Variants in AKAP7 observed in about 807,000 individuals in gnomAD.
AKAP7 encodes A-kinase anchoring protein 7.
Under a neutral mutation model 39.5 loss-of-function variants are expected in AKAP7, and 39 were observed. The ratio of observed to expected loss-of-function variants is 0.99; its 90% confidence interval spans 0.76 to 1.29. The LOEUF (loss-of-function observed/expected upper bound fraction) is 1.29. Among genes scored for constraint, AKAP7 ranks in the 50% most tolerant of loss-of-function variants. The pLI is 0.00. For synonymous variants in AKAP7, 140 were observed against 139.1 expected (o/e 1.01, Z -0.05); for missense variants, 414 against 407.7 (o/e 1.02, Z -0.13).
chr6:131,142,196 C>T (rs1332101540), intron 1 of AKAP7, among the ~76,000 whole-genome samples: 2 of 152,142 alleles, frequency 1.3e-5, no homozygotes, highest in Non-Finnish European at 2.9e-5. Context: ...GAGAGATTAG[C>T]ATGACTAAAA....
chr6:131,129,748 ATAT>A, the AKAP7 span, among the ~76,000 whole-genome samples: 1 of 152,200 alleles, frequency 6.6e-6, no homozygotes, highest in Non-Finnish European at 1.5e-5. Flanking sequence ...TGTTAAACAC[ATAT>A]TCTTCTTCCA....
In AKAP7 at chr6:131,138,519, TAAG is replaced by T. The variant is rs1038624614; in HGVS notation, c.19+2743_19+2745del. Among the ~76,000 whole-genome samples, 3 of 152,200 alleles carry T rather than the reference TAAG, an allele frequency of 2.0e-5. No individual in the cohort carries two copies. In the South Asian group the frequency reaches 6.2e-4, roughly 31 times the overall value. ...TGGATGATAGATAACCAGAGAGCAG[TAAG>T]AAGAACATCGGAAGAATATTTCTGT... On this transcript the variant is annotated intron_variant, in intron 1 of 7. Coordinates refer to ENST00000431975, the MANE Select transcript of AKAP7 (RefSeq NM_016377.4).
intron 7 of AKAP7, among the ~76,000 whole-genome samples, chr6:131,224,899 C>T (rs929034556): frequency 9.2e-5 from 14 of 151,356 alleles, no homozygotes; most frequent in Admixed American, 4.6e-4. Flanking sequence ...TACAAGTGTG[C>T]GCCACCATGC....
At chr6:131,267,752 C>T (rs1274254744) in intron 7 of AKAP7, among the ~76,000 whole-genome samples, 3 of 152,320 alleles carry the variant, frequency 2.0e-5, no homozygotes, top group Non-Finnish European at 4.4e-5. Context: ...TCACCTCCTG[C>T]AATTCACTTT....
intron 7 of AKAP7, among the ~76,000 whole-genome samples, chr6:131,273,372 T>C (rs1216086241): frequency 6.6e-6 from 1 of 152,182 alleles, no homozygotes; most frequent in Non-Finnish European, 1.5e-5. Context: ...CTAGTTGTTT[T>C]CTACTTGTCT....
At chr6:131,222,591 G>A (rs1809805232) in intron 7 of AKAP7, among the ~76,000 whole-genome samples, 3 of 152,102 alleles carry the variant, frequency 2.0e-5, no homozygotes, top group Non-Finnish European at 4.4e-5. Context: ...CTGAAGATGG[G>A]ATTGAATTGC....
At chr6:131,244,171 C>T (rs767669482) in intron 7 of AKAP7, among the ~76,000 whole-genome samples, 1 of 151,998 alleles carries the variant, frequency 6.6e-6, no homozygotes, top group Admixed American at 6.6e-5. Flanking sequence ...GGCCTTTGTT[C>T]TCCTGTTACT....
chr6:131,219,515 T>G (rs914886533), intron 6 of AKAP7, 146 bp from the exon 7 acceptor site: 35 of 622,530 alleles, frequency 5.6e-5, no homozygotes, highest in Non-Finnish European at 5.2e-6. Flanking sequence ...ACAACAATTT[T>G]ATTGTTGTAT....
intron 6 of AKAP7, among the ~76,000 whole-genome samples, chr6:131,208,613 A>G (rs1011157757): frequency 6.6e-6 from 1 of 152,260 alleles, no homozygotes; most frequent in Non-Finnish European, 1.5e-5. Flanking sequence ...TATGTGAGGC[A>G]GGGATCTGTG....
intron 5 of AKAP7, among the ~76,000 whole-genome samples, chr6:131,171,530 G>A (rs1255010797): frequency 2.6e-5 from 4 of 152,104 alleles, no homozygotes; most frequent in East Asian, 1.9e-4. Flanking sequence ...AATGAGATTC[G>A]TATGCTAAAG....
At chr6:131,141,175 A>G (rs1403449961) in intron 1 of AKAP7, among the ~76,000 whole-genome samples, 1 of 151,940 alleles carries the variant, frequency 6.6e-6, no homozygotes, top group Non-Finnish European at 1.5e-5. Flanking sequence ...TGTTATCCCC[A>G]GTGTTGGAGG....
intron 6 of AKAP7, among the ~76,000 whole-genome samples, chr6:131,214,798 T>C (rs1419150405): frequency 6.6e-6 from 1 of 152,200 alleles, no homozygotes; most frequent in Non-Finnish European, 1.5e-5. Flanking sequence ...TATGATTGTA[T>C]CTTAATAATG....
chr6:131,208,722 T>A (rs899441120), intron 6 of AKAP7, among the ~76,000 whole-genome samples: 3 of 152,200 alleles, frequency 2.0e-5, no homozygotes, highest in African/African-American at 7.2e-5. Flanking sequence ...TTATTGTGAA[T>A]CTCAAGAGCT....
chr6:131,194,630 G>A (rs1449283880), intron 5 of AKAP7, among the ~76,000 whole-genome samples: 1 of 152,018 alleles, frequency 6.6e-6, no homozygotes, highest in Non-Finnish European at 1.5e-5. Flanking sequence ...GTGGGGTGTT[G>A]AAGTATCCAG....
In AKAP7 at chr6:131,160,204, AT is replaced by A; in HGVS notation, c.291+11del. The A allele has an allele frequency of 6.3e-7, 1 of 1,595,104 alleles. No homozygotes were observed. The highest frequency in any genetic ancestry group is 8.5e-7 in the Non-Finnish European group (1 of 1,175,900). On this transcript the variant is annotated splice_region_variant and intron_variant, in intron 3 of 7. Transcript: ENST00000431975. ...TTCCAATCACCAACAAAGAGGTGCTATTTTTAAAAAGTTATTTTTACTGTGA... is the reference window on the plus strand; with the variant it reads ...TTCCAATCACCAACAAAGAGGTGCTATTTTAAAAAGTTATTTTTACTGTGA...
chr6:131,195,911 G>A (rs1257831840), intron 5 of AKAP7, among the ~76,000 whole-genome samples: 1 of 152,058 alleles, frequency 6.6e-6, no homozygotes, highest in Non-Finnish European at 1.5e-5. Context: ...ATTATTAAAT[G>A]CCTTTAGGTA....
At chr6:131,169,310 T>C (rs773364921) in intron 5 of AKAP7, 37 bp downstream of exon 5, 25 of 1,597,342 alleles carry the variant, frequency 1.6e-5, no homozygotes, top group Non-Finnish European at 2.1e-5. Flanking sequence ...ATCTTGTCTG[T>C]TGGAGAAGCA....
chr6:131,171,576 C>T lies in AKAP7; in HGVS notation c.589+2303C>T, dbSNP rs550815918. Among the ~76,000 whole-genome samples, 7 of 152,010 alleles carry T rather than the reference C, an allele frequency of 4.6e-5. 1 individual carries two copies. In the East Asian group the frequency reaches 1.4e-3, roughly 29 times the overall value. On this transcript the variant is annotated intron_variant, in intron 5 of 7. Transcript: ENST00000431975. The stretch of plus-strand genomic sequence containing the variant: ...AGGTAAAATAAGGGCATGAGGAGAG[C>T]GGTGAAAGTTTAGAATGGCGACCAA...
At chr6:131,256,622 C>G (rs1812873112) in intron 7 of AKAP7, among the ~76,000 whole-genome samples, 1 of 148,494 alleles carries the variant, frequency 6.7e-6, no homozygotes, top group Non-Finnish European at 1.5e-5. Context: ...CCTGGGGGGC[C>G]ATGAAAGAAG....
Sources: allele counts gnomAD v4.1 joint callset (sites outside exome capture counted in the v4.1 genomes callset), GRCh38; gene constraint gnomAD v4.1.1; transcripts MANE v1.5; gene names NCBI Gene and HGNC (gene_info 2026-07-23, HGNC 2026-07-21).